Variants in TEX14 observed in about 807,000 individuals in gnomAD.
The protein encoded by TEX14 is inactive serine/threonine-protein kinase TEX14.
In TEX14, 168 loss-of-function variants were observed where a neutral mutation model predicts 178.6. The observed-to-expected ratio is 0.94, with a 90% CI of 0.83 to 1.07. TEX14 has a LOEUF of 1.07. TEX14 is among the 50% of genes least tolerant of loss of function. The pLI is 0.00. For missense variants in TEX14, 1,730 were observed against 1,753.6 expected (o/e 0.99, Z 0.24); for synonymous variants, 626 against 634.1 (o/e 0.99, Z 0.19).
chr17:58,691,534 G>A lies in TEX14; in HGVS notation c.-2+405C>T, dbSNP rs28363297. Among the ~76,000 whole-genome samples the A allele has an allele frequency of 4.5e-3, 678 of 152,030 alleles. 3 individuals carry two copies. The highest frequency in any genetic ancestry group is 0.015 in the African/African-American group (642 of 41,500). ...ATACAAAAATTAGCCGGGCATGGTG[G>A]CGTGCGCCTGTAATCCCAGGTACTC... On this transcript the variant is annotated intron_variant, in intron 1 of 31. Transcript: ENST00000349033.
At chr17:58,635,433 T>A (rs2144594266) in intron 2 of TEX14, among the ~76,000 whole-genome samples, 1 of 149,492 alleles carries the variant, frequency 6.7e-6, no homozygotes, top group African/African-American at 2.4e-5. Flanking sequence ...TCTCTCTTTT[T>A]TTTTTTTTTT....
chr17:58,560,959 CA>C (rs1343911499), intron 29 of TEX14, among the ~76,000 whole-genome samples: 4 of 152,214 alleles, frequency 2.6e-5, no homozygotes, highest in Non-Finnish European at 5.9e-5. Context: ...GACTTCTCAT[CA>C]TGTCTCAAGA....
intron 14 of TEX14, among the ~76,000 whole-genome samples, chr17:58,594,653 A>G (rs1018387649): frequency 6.6e-6 from 1 of 152,106 alleles, no homozygotes; most frequent in African/African-American, 2.4e-5. Flanking sequence ...GCACCCTGAC[A>G]CTAAGAGAAT....
At chr17:58,684,216 C>T (rs1219480957) in intron 1 of TEX14, among the ~76,000 whole-genome samples, 3 of 151,956 alleles carry the variant, frequency 2.0e-5, no homozygotes, top group Non-Finnish European at 4.4e-5. Context: ...AATCCCAGCA[C>T]TTTGGGAGGC....
intron 2 of TEX14, chr17:58,631,139 C>G (rs895874629): frequency 2.2e-5 from 22 of 984,330 alleles, no homozygotes; most frequent in Non-Finnish European, 2.5e-5. Context: ...TCCAGAAGAC[C>G]AAAAAACACC....
chr17:58,635,317 G>A (rs1336411315), intron 2 of TEX14, among the ~76,000 whole-genome samples: 1 of 151,944 alleles, frequency 6.6e-6, no homozygotes, highest in Non-Finnish European at 1.5e-5. Context: ...AGGGAAGCAG[G>A]CTGACAAGAA....
At chr17:58,561,108 C>T (rs1280421676) in intron 29 of TEX14, among the ~76,000 whole-genome samples, 1 of 152,302 alleles carries the variant, frequency 6.6e-6, no homozygotes, top group East Asian at 1.9e-4. Context: ...GATCTTTGAC[C>T]TTTATCTTTT....
rs77026967 is a variant in TEX14 at position 58,659,520 on chromosome 17, C to A, written c.-1-7518G>T. Among the ~76,000 whole-genome samples the A allele has an allele frequency of 4.2e-3, 633 of 152,268 alleles. 3 individuals are homozygous for A. Among genetic ancestry groups the A allele is most frequent in the African/African-American group, 0.014 (586 of 41,538 alleles). On this transcript the variant is annotated intron_variant, in intron 1 of 31. Coordinates refer to ENST00000349033, the MANE Select transcript of TEX14 (RefSeq NM_031272.5). The stretch of plus-strand genomic sequence containing the variant: ...ATCACTGCGCCCCTATCTACATATG[C>A]CCGCCTCTTATAGTAACGTCACCAC...
chr17:58,590,034 G>A (rs536461745), intron 15 of TEX14, among the ~76,000 whole-genome samples: 5 of 152,038 alleles, frequency 3.3e-5, no homozygotes, highest in South Asian at 4.2e-4. Flanking sequence ...AGGCCATGGC[G>A]GGCAGATCAC....
intron 1 of TEX14, among the ~76,000 whole-genome samples, chr17:58,679,960 T>C (rs2047473199): frequency 6.6e-6 from 1 of 152,172 alleles, no homozygotes; most frequent in African/African-American, 2.4e-5. Flanking sequence ...TTTCCTAGTA[T>C]GCTTGGTGAC....
intron 3 of TEX14, among the ~76,000 whole-genome samples, chr17:58,624,505 T>C (rs956120447): frequency 6.6e-6 from 1 of 151,322 alleles, no homozygotes; most frequent in African/African-American, 2.4e-5. Flanking sequence ...CCATGCCCAG[T>C]TAATTTTTGT....
chr17:58,577,501 T>C (rs962699104), intron 20 of TEX14, 45 bp from the exon 21 acceptor site: 3 of 703,352 alleles, frequency 4.3e-6, no homozygotes, highest in South Asian at 3.5e-5. Context: ...TTTTTTTTAC[T>C]GAATCTTTGT....
chr17:58,606,074 G>A (rs1249436046), intron 10 of TEX14, among the ~76,000 whole-genome samples: 2 of 152,170 alleles, frequency 1.3e-5, no homozygotes, highest in Non-Finnish European at 2.9e-5. Flanking sequence ...CTGAACTCCT[G>A]CCCTTTTGGG....
chr17:58,630,667 G>T, intron 2 of TEX14, 113 bp from the exon 3 acceptor site: 1 of 678,024 alleles, frequency 1.5e-6, no homozygotes, highest in Non-Finnish European at 2.5e-6. Flanking sequence ...ATATTGCTGT[G>T]AGCTTTTTTT....
intron 2 of TEX14, among the ~76,000 whole-genome samples, chr17:58,638,261 C>A (rs1230269018): frequency 6.6e-6 from 1 of 151,748 alleles, no homozygotes; most frequent in Non-Finnish European, 1.5e-5. Context: ...ATAATCCCAG[C>A]ACTTTGGGAG....
intron 2 of TEX14, among the ~76,000 whole-genome samples, chr17:58,636,480 T>C (rs184888976): frequency 2.0e-5 from 3 of 152,366 alleles, no homozygotes; most frequent in Admixed American, 2.0e-4. Context: ...ATTCTTTTAA[T>C]TCACTTAATC....
At chr17:58,636,330 AG>A (rs1310507642) in intron 2 of TEX14, among the ~76,000 whole-genome samples, 3 of 152,226 alleles carry the variant, frequency 2.0e-5, no homozygotes, top group Non-Finnish European at 4.4e-5. Flanking sequence ...CTGGCCGAAA[AG>A]GTTAAAAGAC....
intron 10 of TEX14, among the ~76,000 whole-genome samples, chr17:58,607,919 G>A (rs945488726): frequency 1.3e-5 from 2 of 152,154 alleles, no homozygotes; most frequent in African/African-American, 4.8e-5. Flanking sequence ...CCTGAGCCCA[G>A]GAGATTGAGA....
At chr17:58,590,707 C>T (rs1020844311) in intron 15 of TEX14, among the ~76,000 whole-genome samples, 11 of 151,944 alleles carry the variant, frequency 7.2e-5, no homozygotes, top group Admixed American at 1.3e-4. Flanking sequence ...GGTCTACAGC[C>T]GCACACCACC....
Sources: gnomAD v4.1 joint callset for allele counts (sites outside exome capture counted in the v4.1 genomes callset) on GRCh38, gnomAD v4.1.1 for gene constraint, MANE v1.5 for transcripts, NCBI Gene and HGNC (gene_info 2026-07-23, HGNC 2026-07-21) for gene names.